Variants in SLC9C1 observed in about 807,000 individuals in gnomAD.
SLC9C1 encodes sodium/hydrogen exchanger 10.
A neutral mutation model predicts 140.9 loss-of-function variants in SLC9C1; 97 were observed. That is an observed-to-expected ratio of 0.69 (90% CI 0.58 to 0.82). The LOEUF is 0.82. Among genes scored for constraint, SLC9C1 ranks in the 40% least tolerant of loss-of-function variants. The pLI is 0.00. For synonymous variants in SLC9C1, 440 were observed against 442.6 expected (o/e 0.99, Z 0.07); for missense variants, 1,340 against 1,389.3 (o/e 0.96, Z 0.56).
intron 12 of SLC9C1, among the ~76,000 whole-genome samples, chr3:112,235,830 T>C (rs972529426): frequency 1.3e-5 from 2 of 152,222 alleles, no homozygotes; most frequent in Non-Finnish European, 2.9e-5. Context: ...CACTTGATCA[T>C]GGTGGATAAG....
intron 12 of SLC9C1, among the ~76,000 whole-genome samples, chr3:112,236,138 C>T (rs889462050): frequency 3.9e-5 from 6 of 152,002 alleles, no homozygotes; most frequent in Non-Finnish European, 7.4e-5. Context: ...TTATTGCTTC[C>T]ATTTCAGAGC....
chr3:112,222,253 A>C (rs1214028632), intron 13 of SLC9C1, among the ~76,000 whole-genome samples: 2 of 152,214 alleles, frequency 1.3e-5, no homozygotes, highest in Admixed American at 1.3e-4. Flanking sequence ...AAGCAATTAG[A>C]TACTAGAAGA....
At chr3:112,165,418 T>C (rs1489470959) in intron 26 of SLC9C1, among the ~76,000 whole-genome samples, 1 of 152,230 alleles carries the variant, frequency 6.6e-6, no homozygotes, top group Admixed American at 6.5e-5. Flanking sequence ...CCTTTGGTCT[T>C]TAATGATGGT....
chr3:112,241,305 C>T (rs761245609), intron 11 of SLC9C1, among the ~76,000 whole-genome samples: 4 of 151,722 alleles, frequency 2.6e-5, no homozygotes, highest in African/African-American at 4.8e-5. Context: ...ACATATACAC[C>T]TACTATGTAC....
chr3:112,287,366 A>C (rs1191223851), intron 1 of SLC9C1, among the ~76,000 whole-genome samples: 1 of 152,226 alleles, frequency 6.6e-6, no homozygotes, highest in African/African-American at 2.4e-5. Flanking sequence ...GAAATTAATA[A>C]ATCATGATGA....
chr3:112,221,291 A>G, intron 13 of SLC9C1, 66 bp from the exon 14 acceptor site: 1 of 1,315,224 alleles, frequency 7.6e-7, no homozygotes, highest in Non-Finnish European at 1.1e-6. Context: ...TACAATCTTG[A>G]TGGGAAAAAT....
At chr3:112,150,187 G>T (rs1560002502) in intron 28 of SLC9C1, among the ~76,000 whole-genome samples, 1 of 152,162 alleles carries the variant, frequency 6.6e-6, no homozygotes, top group Non-Finnish European at 1.5e-5. Context: ...AGACTAAAAT[G>T]CCTGTATAGC....
chr3:112,160,013 A>T (rs1422049553), intron 26 of SLC9C1, among the ~76,000 whole-genome samples: 1 of 151,682 alleles, frequency 6.6e-6, no homozygotes, highest in Non-Finnish European at 1.5e-5. Context: ...TTTTTAATTT[A>T]TTAAGCCATG....
At chr3:112,278,464 C>T (rs1004003578) in intron 4 of SLC9C1, among the ~76,000 whole-genome samples, 4 of 152,016 alleles carry the variant, frequency 2.6e-5, no homozygotes, top group East Asian at 3.8e-4. Context: ...GTAGCATTTC[C>T]GAGTTAAAAT....
In SLC9C1 at chr3:112,181,161, T is replaced by G. The variant is rs554523145; in HGVS notation, c.2650-499A>C. Reference sequence around the variant, plus strand: ...AGTTTGTAACAGAAAATAGAAATTATGAATAGTAAAGAGGAAGGTGGATCT... The same window carrying G: ...AGTTTGTAACAGAAAATAGAAATTAGGAATAGTAAAGAGGAAGGTGGATCT... On this transcript the variant is annotated intron_variant, in intron 21 of 28. Transcript: ENST00000305815. Among the ~76,000 whole-genome samples the G allele has an allele frequency of 4.4e-4, 67 of 152,304 alleles. 2 individuals carry two copies. The highest frequency in any genetic ancestry group is 3.4e-3 in the Middle Eastern group (1 of 294).
chr3:112,234,505 G>T (rs927667942), intron 12 of SLC9C1, among the ~76,000 whole-genome samples: 5 of 152,124 alleles, frequency 3.3e-5, no homozygotes, highest in Admixed American at 6.5e-5. Flanking sequence ...GTCAATTTTG[G>T]CTTTTGTTGC....
In SLC9C1 at chr3:112,204,520, A is replaced by T. The variant is rs891755484; in HGVS notation, c.1987-117T>A. The T allele has an allele frequency of 9.6e-6, 11 of 1,140,642 alleles. No homozygotes were observed. The East Asian group carries it at 2.9e-4, about 30-fold the overall frequency. The allele number at this position is 1,140,642 out of a possible 1,614,324, so 70.7% of individuals were successfully genotyped here. A position where few individuals can be genotyped will look rare whatever the true frequency, so the allele number is the denominator to read the frequency against. On this transcript the variant is annotated intron_variant, in intron 16 of 28. Coordinates refer to ENST00000305815, the MANE Select transcript of SLC9C1 (RefSeq NM_183061.3). Reference sequence around the variant, plus strand: ...TCTCTTATCTACTCCACATGTATGAAATATCCTCAGGAAACCAAAATCAAA... The same window carrying T: ...TCTCTTATCTACTCCACATGTATGATATATCCTCAGGAAACCAAAATCAAA...
chr3:112,190,220 T>C (rs2077628579), intron 20 of SLC9C1, among the ~76,000 whole-genome samples: 1 of 152,226 alleles, frequency 6.6e-6, no homozygotes, highest in South Asian at 2.1e-4. Context: ...TGGAATACCC[T>C]TTATTTCTTT....
intron 28 of SLC9C1, 129 bp from the exon 29 acceptor site, chr3:112,141,410 G>C: frequency 6.9e-6 from 6 of 869,272 alleles, no homozygotes; most frequent in Non-Finnish European, 9.9e-6. Context: ...GGTCATTTTT[G>C]TTAAGGCCAA....
chr3:112,179,808 A>G (rs2077405359), intron 22 of SLC9C1, 107 bp from the exon 23 acceptor site: 3 of 804,632 alleles, frequency 3.7e-6, no homozygotes, highest in African/African-American at 1.8e-5. Flanking sequence ...TAATATTTAC[A>G]TATTGTCTTG....
At chr3:112,226,749 A>T (rs1444386174) in intron 13 of SLC9C1, among the ~76,000 whole-genome samples, 3 of 152,064 alleles carry the variant, frequency 2.0e-5, no homozygotes, top group African/African-American at 7.2e-5. Flanking sequence ...ACAAAAGTTC[A>T]AAAAACAACT....
intron 15 of SLC9C1, among the ~76,000 whole-genome samples, chr3:112,216,385 A>G (rs1270573923): frequency 6.6e-6 from 1 of 152,216 alleles, no homozygotes; most frequent in Admixed American, 6.5e-5. Context: ...GAGCTTCTGC[A>G]CAGCAAAAGA....
chr3:112,181,022 C>T (rs2077429624), intron 21 of SLC9C1, among the ~76,000 whole-genome samples: 1 of 152,166 alleles, frequency 6.6e-6, no homozygotes, highest in African/African-American at 2.4e-5. Flanking sequence ...TTCCAAAGTG[C>T]TTGGATTACA....
At chr3:112,208,962 A>G (rs1270264421) in intron 15 of SLC9C1, among the ~76,000 whole-genome samples, 1 of 152,208 alleles carries the variant, frequency 6.6e-6, no homozygotes, top group Admixed American at 6.5e-5. Context: ...CAAAATTTAA[A>G]TTAATGTATA....
Sources: gnomAD v4.1 joint callset for allele counts (sites outside exome capture counted in the v4.1 genomes callset) on GRCh38, gnomAD v4.1.1 for gene constraint, MANE v1.5 for transcripts, NCBI Gene and HGNC (gene_info 2026-07-23, HGNC 2026-07-21) for gene names.